Variants in NOL4L observed in about 807,000 individuals in gnomAD.
NOL4L encodes the protein nucleolar protein 4-like.
Under a neutral mutation model 64.5 loss-of-function variants are expected in NOL4L, and 7 were observed. That is an observed-to-expected ratio of 0.11 (90% confidence interval 0.06 to 0.20). The LOEUF (loss-of-function observed/expected upper bound fraction) is 0.20. Ranked by LOEUF, NOL4L falls within the 10% of genes least tolerant of loss-of-function variation. The probability of loss-of-function intolerance (pLI) is 1.00; values close to 1 mark genes in which losing one functional copy is unlikely to be tolerated. For synonymous variants in NOL4L, 413 were observed against 401.0 expected (o/e 1.03, Z -0.36); for missense variants, 680 against 967.1 (o/e 0.70, Z 3.94).
intron 4 of NOL4L, among the ~76,000 whole-genome samples, chr20:32,492,217 G>A (rs1417361356): frequency 6.6e-6 from 1 of 152,170 alleles, no homozygotes; most frequent in Non-Finnish European, 1.5e-5. Context: ...GATACATTGT[G>A]GGCCCCCCAT....
chr20:32,550,488 A>G (rs2018785479), intron 1 of NOL4L, among the ~76,000 whole-genome samples: 1 of 152,072 alleles, frequency 6.6e-6, no homozygotes. Context: ...GCTCACGCCT[A>G]TAATCTCAGA....
intron 1 of NOL4L, among the ~76,000 whole-genome samples, chr20:32,553,231 TG>T (rs1048691129): frequency 6.6e-6 from 1 of 152,172 alleles, no homozygotes; most frequent in Admixed American, 6.5e-5. Context: ...CTGGTTCACC[TG>T]GATCACTGCA....
At chr20:32,554,722 T>C (rs1055377385) in intron 1 of NOL4L, among the ~76,000 whole-genome samples, 1 of 152,096 alleles carries the variant, frequency 6.6e-6, no homozygotes. Flanking sequence ...TCAAGAGTCA[T>C]TGGCTCTGGA....
intron 1 of NOL4L, among the ~76,000 whole-genome samples, chr20:32,550,763 C>G (rs1264983662): frequency 6.6e-6 from 1 of 152,090 alleles, no homozygotes; most frequent in Non-Finnish European, 1.5e-5. Flanking sequence ...GCCTGTAATC[C>G]CAGCTACTCA....
chr20:32,447,626 T>C lies in NOL4L; in HGVS notation c.2013A>G (p.Glu671=). ...TCTGCTGTAGGATGAGGTTTTCCAG[T>C]TCATCTGCAGAGCGCAGCAGGAAGG... ...SAAFLLRSAD[E]LENLILQQN Residue 671 remains glutamate, a synonymous_variant, in exon 11 of 11, where the codon GAA becomes GAG. Transcript: ENST00000621426. 2.5e-6 allele frequency: 4 copies of C among 1,606,652 alleles called. No individual in the cohort carries two copies. The highest frequency in any genetic ancestry group is 1.3e-5 in the African/African-American group (1 of 75,000).
Position 32,536,343 on chromosome 20 carries a change from A to G in NOL4L, c.322-8430T>C, listed in dbSNP as rs1047460154. On this transcript the variant is annotated intron_variant, in intron 1 of 10. Coordinates refer to ENST00000621426, the MANE Select transcript of NOL4L (RefSeq NM_001256798.2). ...GCCCTGGGCGCGCTAACGAGCGGAG[A>G]GCCCCAGGTGCGGGCCCCACCCAGG... is the stretch of plus-strand genomic sequence containing the variant. 6.1e-6 allele frequency: 6 copies of G among 984,434 alleles called. No individual in the cohort carries two copies. The Admixed American group carries it at 2.5e-4, about 40-fold the overall frequency. The allele number at this position is 984,434 out of a possible 1,614,324, so 61.0% of individuals were successfully genotyped here.
intron 1 of NOL4L, among the ~76,000 whole-genome samples, chr20:32,532,829 C>A (rs1040848873): frequency 1.6e-4 from 25 of 152,182 alleles, no homozygotes; most frequent in Non-Finnish European, 3.1e-4. Flanking sequence ...ATGGGAAGAA[C>A]CACGAAAAAC....
intron 1 of NOL4L, among the ~76,000 whole-genome samples, chr20:32,568,384 AC>A (rs1979563719): frequency 2.0e-5 from 3 of 151,448 alleles, no homozygotes; most frequent in Admixed American, 2.0e-4. Flanking sequence ...ACTCAGATTC[AC>A]CCCTCCAGCC....
At chr20:32,535,764 A>G (rs1243755703) in intron 1 of NOL4L, 4 of 984,696 alleles carry the variant, frequency 4.1e-6, no homozygotes, top group Non-Finnish European at 4.8e-6. Flanking sequence ...GTGTAGGGGG[A>G]AGGAATGGGA....
intron 4 of NOL4L, among the ~76,000 whole-genome samples, chr20:32,480,678 T>C (rs754076570): frequency 5.3e-5 from 8 of 152,208 alleles, no homozygotes; most frequent in Non-Finnish European, 1.2e-4. Context: ...GAACCGCATG[T>C]GACCCCAACT....
At chr20:32,481,970 G>GGA (rs1006985919) in intron 4 of NOL4L, among the ~76,000 whole-genome samples, 2 of 148,734 alleles carry the variant, frequency 1.3e-5, no homozygotes, top group Non-Finnish European at 3.0e-5. Flanking sequence ...GGGGCGGGGG[G>GGA]GGGGGAGCAG....
chr20:32,454,497 C>A (rs1281952808), intron 6 of NOL4L, among the ~76,000 whole-genome samples: 1 of 152,236 alleles, frequency 6.6e-6, no homozygotes, highest in Non-Finnish European at 1.5e-5. Flanking sequence ...CCACGAGTTT[C>A]TCCCTGGCCA....
intron 3 of NOL4L, among the ~76,000 whole-genome samples, chr20:32,512,076 T>C (rs576895153): frequency 1.3e-5 from 2 of 152,150 alleles, no homozygotes; most frequent in East Asian, 3.9e-4. Flanking sequence ...TTTATAGGAA[T>C]TTTTGGCTTC....
At chr20:32,474,452 G>A in intron 5 of NOL4L, 149 bp downstream of exon 5, 1 of 868,066 alleles carries the variant, frequency 1.2e-6, no homozygotes, top group Non-Finnish European at 1.7e-6. Flanking sequence ...TGAGAACACT[G>A]GGGGCAGTGC....
chr20:32,447,881 T>C, intron 10 of NOL4L, 65 bp from the exon 11 acceptor site: 1 of 1,510,440 alleles, frequency 6.6e-7, no homozygotes, highest in South Asian at 1.3e-5. Context: ...GAGGTGTACC[T>C]TCCTTGGCAC....
intron 4 of NOL4L, among the ~76,000 whole-genome samples, chr20:32,476,487 T>G (rs1008982972): frequency 6.6e-6 from 1 of 152,126 alleles, no homozygotes; most frequent in South Asian, 2.1e-4. Context: ...GCCCAGGGGG[T>G]GCCATGCTCT....
intron 4 of NOL4L, among the ~76,000 whole-genome samples, chr20:32,478,992 C>A (rs2015568072): frequency 1.3e-5 from 2 of 152,192 alleles, no homozygotes; most frequent in Non-Finnish European, 2.9e-5. Context: ...CCTTCAACAC[C>A]CAGACTTTCA....
At chr20:32,462,915 A>AAAAAC (rs2014216611) in intron 5 of NOL4L, among the ~76,000 whole-genome samples, 2 of 150,380 alleles carry the variant, frequency 1.3e-5, no homozygotes, top group African/African-American at 4.9e-5. Flanking sequence ...AAAAAAAAAA[A>AAAAAC]AAAAAAAACT....
rs755936999 is a variant in NOL4L, at chr20:32,509,923, C to T, written c.699+1424G>A. ...TAACAGTGTTTACGAAGCCAGGTGC[C>T]GGAGACAGTGAGGATGGCTACAGGA... On this transcript the variant is annotated intron_variant, in intron 4 of 10. Coordinates refer to ENST00000621426, the MANE Select transcript of NOL4L (RefSeq NM_001256798.2). The T allele has an allele frequency of 1.7e-5, 22 of 1,304,076 alleles. 1 individual carries two copies. The Middle Eastern group carries it at 6.4e-4, about 38-fold the overall frequency. 80.8% of individuals were successfully genotyped at this position (1,304,076 alleles called of 1,614,324 possible). A position where few individuals can be genotyped will look rare whatever the true frequency, so the allele number is the denominator to read the frequency against.
Sources: allele counts gnomAD v4.1 joint callset (sites outside exome capture counted in the v4.1 genomes callset), GRCh38; gene constraint gnomAD v4.1.1; transcripts MANE v1.5; gene names NCBI Gene and HGNC (gene_info 2026-07-23, HGNC 2026-07-21).